The following TSHR variants were observed in gnomAD, a reference collection of about 807,000 sequenced individuals.
The protein encoded by TSHR is thyrotropin receptor.
A neutral mutation model predicts 64.1 loss-of-function variants in TSHR; 51 were observed. The observed-to-expected ratio is 0.80, with a 90% CI of 0.64 to 1.01. The LOEUF (loss-of-function observed/expected upper bound fraction) is 1.01, where lower values mean the gene tolerates loss of function less well. TSHR is among the 50% of genes least tolerant of loss of function. TSHR has a pLI of 0.00. For missense variants in TSHR, 877 were observed against 942.8 expected, an observed-to-expected ratio of 0.93 and a Z score of 0.91; for synonymous variants, 361 against 361.9, an observed-to-expected ratio of 1.00 and a Z score of 0.03.
rs531572920 is a variant in TSHR at position 81,134,594 on chromosome 14, C to T, written c.693-5085C>T. Among the ~76,000 whole-genome samples, 9 of 152,246 alleles carry T rather than the reference C, an allele frequency of 5.9e-5. No individual in the cohort carries two copies. The East Asian group carries it at 1.7e-3, about 29-fold the overall frequency. ...ACAGAACAGGCAGTATTTCAGCTCT[C>T]ATGAAGCTAAAATTAAAAATTTAGT... On this transcript the variant is annotated intron_variant, in intron 8 of 9. Coordinates refer to ENST00000298171, the MANE Select transcript of TSHR (RefSeq NM_000369.5).
At chr14:81,096,510 T>C (rs1889200979) in intron 6 of TSHR, 129 bp from the exon 7 acceptor site, 2 of 844,328 alleles carry the variant, frequency 2.4e-6, no homozygotes, top group Non-Finnish European at 2.0e-6. Context: ...TCTTGTGGGA[T>C]ACATATGTGG....
intron 1 of TSHR, chr14:81,051,151 T>A (rs961358525): frequency 1.3e-5 from 2 of 152,414 alleles, no homozygotes; most frequent in Non-Finnish European, 1.5e-5. Flanking sequence ...CATCTTCACC[T>A]GGACTAGATT....
At chr14:81,051,779 TG>T (rs1410017321) in intron 1 of TSHR, 1 of 152,166 alleles carries the variant, frequency 6.6e-6, no homozygotes, top group Non-Finnish European at 1.5e-5. Flanking sequence ...TGCATTTCCC[TG>T]TTGAGTAGTG....
At chr14:81,135,003 T>A (rs1249140007) in intron 8 of TSHR, among the ~76,000 whole-genome samples, 1 of 152,192 alleles carries the variant, frequency 6.6e-6, no homozygotes, top group Non-Finnish European at 1.5e-5. Context: ...AATGGGGTCA[T>A]ACTTACCAAA....
At chr14:81,115,988 T>C (rs184846764) in intron 8 of TSHR, among the ~76,000 whole-genome samples, 8 of 151,804 alleles carry the variant, frequency 5.3e-5, no homozygotes, top group African/African-American at 1.9e-4. Context: ...GCTGAGAGAT[T>C]TTCTCACCAC....
chr14:81,142,921 C>G lies in TSHR; in HGVS notation c.882-19C>G. Reference sequence around the variant, plus strand: ...CACTGCGCCCAGCCTGGCACTGACTCTTTTCTGTTGCCTTGCAGAATCCTT... The same window carrying G: ...CACTGCGCCCAGCCTGGCACTGACTGTTTTCTGTTGCCTTGCAGAATCCTT... On this transcript the variant is annotated intron_variant, in intron 9 of 9. Coordinates refer to ENST00000298171, the MANE Select transcript of TSHR (RefSeq NM_000369.5). 2 of 1,613,332 alleles carry G rather than the reference C, an allele frequency of 1.2e-6. No homozygotes were observed. The highest frequency in any genetic ancestry group is 2.2e-5 in the South Asian group (2 of 91,070).
rs772899489 is a variant in TSHR, at chr14:81,068,289, A to T, written c.278A>T (p.Glu93Val). ...ATAGATGTGACTCTGCAGCAGCTGG[A>T]ATCACACTCCTTCTACAATTTGAGT... ...VSIDVTLQQL[E>V]SHSFYNLSKV... The change falls in exon 3 of 10, where the codon GAA (glutamate) becomes GTA (valine). Residue 93 changes from glutamate to valine, a missense_variant. Coordinates refer to ENST00000298171, the MANE Select transcript of TSHR (RefSeq NM_000369.5). The T allele has an allele frequency of 6.2e-7, 1 of 1,613,260 alleles. No individual in the cohort carries two copies. The highest frequency in any genetic ancestry group is 8.5e-7 in the Non-Finnish European group (1 of 1,179,466).
rs2140116816 is a variant in TSHR, at chr14:81,145,699, A to T, written c.*1346A>T. 1 of 233,134 alleles carries T rather than the reference A, an allele frequency of 4.3e-6. No homozygotes were observed. The highest frequency in any genetic ancestry group is 1.8e-4 in the South Asian group (1 of 5,524). The allele number at this position is 233,134 out of a possible 1,614,324, so 14.4% of individuals were successfully genotyped here. A position where few individuals can be genotyped will look rare whatever the true frequency, so the allele number is the denominator to read the frequency against. On this transcript the variant is annotated 3_prime_UTR_variant, in exon 10 of 10. Coordinates refer to ENST00000298171, the MANE Select transcript of TSHR (RefSeq NM_000369.5). ...CAAGAGAGGTTTCTTCTTTTCTGAAACTGCCAGCTCTTTCCAGCCCTGTTG... is the reference window on the plus strand; with the variant it reads ...CAAGAGAGGTTTCTTCTTTTCTGAATCTGCCAGCTCTTTCCAGCCCTGTTG...
Position 81,076,199 on chromosome 14 carries a change from C to T in TSHR, c.317+7871C>T, listed in dbSNP as rs73334006. Among the ~76,000 whole-genome samples, 862 of 152,242 alleles carry T rather than the reference C, an allele frequency of 5.7e-3. 7 individuals are homozygous for T. Among genetic ancestry groups the T allele is most frequent in the African/African-American group, 0.019 (806 of 41,554 alleles). ...AATAGTAGATCATTCTGTTCTTATT[C>T]ATACCTCTTCCCTTGGCCTCTGTGA... On this transcript the variant is annotated intron_variant, in intron 3 of 9. Transcript: ENST00000298171.
rs780921278 is a variant in TSHR at position 81,143,541 on chromosome 14, A to T, written c.1483A>T (p.Asn495Tyr). The T allele has an allele frequency of 6.2e-7, 1 of 1,613,442 alleles. No individual in the cohort carries two copies. Among genetic ancestry groups the T allele is most frequent in the Non-Finnish European group, 8.5e-7 (1 of 1,180,048 alleles). Residue 495 changes from asparagine to tyrosine, a missense_variant, in exon 10 of 10, where the codon AAC becomes TAC. Coordinates refer to ENST00000298171, the MANE Select transcript of TSHR (RefSeq NM_000369.5). Reference protein sequence around the residue: ...AIDWQTGPGCNTAGFFTVFAS... With the variant: ...AIDWQTGPGCYTAGFFTVFAS... The stretch of plus-strand genomic sequence containing the variant: ...CGACTGGCAGACAGGCCCTGGGTGC[A>T]ACACGGCTGGTTTCTTCACTGTCTT...
intron 1 of TSHR, among the ~76,000 whole-genome samples, chr14:80,968,108 C>G (rs1313679965): frequency 6.6e-6 from 1 of 152,030 alleles, no homozygotes; most frequent in Non-Finnish European, 1.5e-5. Context: ...CAAAAAAGTC[C>G]CCAGGTGGGA....
chr14:81,051,952 C>T (rs904986946), intron 1 of TSHR: 2 of 152,030 alleles, frequency 1.3e-5, no homozygotes, highest in Non-Finnish European at 1.5e-5. Flanking sequence ...AAATGAGGCC[C>T]TTTGACAATA....
intron 5 of TSHR, among the ~76,000 whole-genome samples, 198 bp from the exon 6 acceptor site, chr14:81,092,333 T>G (rs532482466): frequency 6.6e-6 from 1 of 152,234 alleles, no homozygotes; most frequent in East Asian, 1.9e-4. Flanking sequence ...GGGCTCCAGG[T>G]GCATGTCATC....
At position 80,960,172 on chromosome 14, in the gene TSHR, TCTCA is replaced by T. The variant is rs1219516447; in HGVS notation, c.170+4325_170+4328del. ...AAGACAATAGAGAAAGGAATTACTT[TCTCA>T]CTGTGTGATTCACGGTTATTTAATG... On this transcript the variant is annotated intron_variant, in intron 1 of 9. Transcript: ENST00000298171. 7.9e-5 allele frequency among the ~76,000 whole-genome samples: 12 copies of T among 152,330 alleles called. No homozygotes were observed. The East Asian group carries it at 2.3e-3, about 29-fold the overall frequency.
intron 3 of TSHR, among the ~76,000 whole-genome samples, chr14:81,077,600 G>A (rs1365545750): frequency 1.3e-5 from 2 of 152,178 alleles, no homozygotes; most frequent in African/African-American, 4.8e-5. Flanking sequence ...TGCATTTCAT[G>A]TAAACATCAC....
At chr14:80,998,033 C>G (rs73347933) in intron 1 of TSHR, among the ~76,000 whole-genome samples, 2,134 of 152,236 alleles carry the variant, frequency 0.014, 49 homozygotes, top group African/African-American at 0.048. Context: ...GCTGGAATGC[C>G]ATTACATCAT....
chr14:80,975,410 ACT>A (rs1887817457), intron 1 of TSHR, among the ~76,000 whole-genome samples: 1 of 151,370 alleles, frequency 6.6e-6, no homozygotes, highest in Non-Finnish European at 1.5e-5. Flanking sequence ...TCCCTCTCCT[ACT>A]CTCTCAGATG....
Position 81,068,305 on chromosome 14 carries a change from C to A in TSHR, c.294C>A (p.Tyr98Ter). The A allele has an allele frequency of 6.2e-7, 1 of 1,613,160 alleles. No homozygotes were observed. The highest frequency in any genetic ancestry group is 8.5e-7 in the Non-Finnish European group (1 of 1,179,390). ...AGCAGCTGGAATCACACTCCTTCTACAATTTGAGTAAAGTGACTCACATGT... is the reference window on the plus strand; with the variant it reads ...AGCAGCTGGAATCACACTCCTTCTAAAATTTGAGTAAAGTGACTCACATGT... ...TLQQLESHSF[Y>*]NLSKVTHIEI... Residue 98 changes from tyrosine to a stop codon, truncating the protein, a stop_gained, in exon 3 of 10, where the codon TAC becomes TAA. Coordinates refer to ENST00000298171, the MANE Select transcript of TSHR (RefSeq NM_000369.5). LOFTEE classifies it high-confidence loss of function.
At position 81,088,014 on chromosome 14, in the gene TSHR, C is replaced by T. The variant is rs1449993313; in HGVS notation, c.378C>T (p.Pro126=). 1.2e-6 allele frequency: 2 copies of T among 1,613,552 alleles called. No homozygotes were observed. The highest frequency in any genetic ancestry group is 1.7e-6 in the Non-Finnish European group (2 of 1,179,546). ...YIDPDALKEL[P]LLKFLGIFNT... ...ACCCTGATGCCCTCAAAGAGCTCCC[C>T]CTCCTAAAGTTCCTGTAAGTATTAA... Residue 126 remains proline (P), a synonymous_variant, in exon 4 of 10, where the codon CCC becomes CCT. Transcript: ENST00000298171.
Sources: gnomAD v4.1 joint callset for allele counts (sites outside exome capture counted in the v4.1 genomes callset) on GRCh38, gnomAD v4.1.1 for gene constraint, MANE v1.5 for transcripts, NCBI Gene and HGNC (gene_info 2026-07-23, HGNC 2026-07-21) for gene names.